CORO2B: variants seen among roughly 807,000 people sequenced by gnomAD.
The protein encoded by CORO2B is coronin 2B.
A neutral mutation model predicts 58.8 loss-of-function variants in CORO2B; 26 were observed. That is an observed-to-expected ratio of 0.44 (90% confidence interval 0.32 to 0.61). The LOEUF (loss-of-function observed/expected upper bound fraction) is 0.61. Among genes scored for constraint, CORO2B ranks in the 20% least tolerant of loss-of-function variants. The pLI is 0.04. For synonymous variants in CORO2B, 242 were observed against 253.8 expected (o/e 0.95, Z 0.44); for missense variants, 460 against 645.1 (o/e 0.71, Z 3.11).
At chr15:68,563,631 AC>A in the CORO2B span, among the ~76,000 whole-genome samples, 8 of 152,162 alleles carry the variant, frequency 5.3e-5, no homozygotes, top group Non-Finnish European at 1.0e-4. Flanking sequence ...CAAAAGTGAC[AC>A]ACCTTTAGCT....
chr15:68,611,626 CA>C (rs775527964), intron 1 of CORO2B, among the ~76,000 whole-genome samples: 44 of 152,216 alleles, frequency 2.9e-4, no homozygotes, highest in South Asian at 1.0e-3. Context: ...GTCAGTTCTA[CA>C]ATTGATTGAA....
rs144772411 is a variant in CORO2B, at chr15:68,597,670, C to T, written c.15+18393C>T. Among the ~76,000 whole-genome samples the T allele has an allele frequency of 4.6e-3, 694 of 151,854 alleles. 16 individuals are homozygous for T. In the East Asian group the frequency reaches 0.052, roughly 11 times the overall value. On this transcript the variant is annotated intron_variant, in intron 1 of 11. Coordinates refer to ENST00000261861, the MANE Select transcript of CORO2B (RefSeq NM_006091.5). ...TAAATAAAAAATAAAAAAGACCAAA[C>T]GAACAAAATCCTCCATTGCTATGGA...
chr15:68,653,887 A>G (rs534769840), intron 2 of CORO2B, among the ~76,000 whole-genome samples: 2 of 150,344 alleles, frequency 1.3e-5, no homozygotes, highest in Non-Finnish European at 2.9e-5. Context: ...CTGAATCTTC[A>G]TCACTGCTCT....
intron 6 of CORO2B, 103 bp from the exon 7 acceptor site, chr15:68,714,456 T>C: frequency 2.4e-6 from 2 of 839,802 alleles, no homozygotes; most frequent in Non-Finnish European, 4.0e-6. Context: ...CTAGGGGAGG[T>C]CTTAACATAA....
intron 2 of CORO2B, among the ~76,000 whole-genome samples, chr15:68,670,358 G>C (rs1205768938): frequency 6.6e-6 from 1 of 151,720 alleles, no homozygotes; most frequent in Non-Finnish European, 1.5e-5. Flanking sequence ...AATTTTTTTT[G>C]GTAGAGACAG....
rs562955480 is a variant in CORO2B at position 68,708,469 on chromosome 15, T to G, written c.334-2263T>G. Among the ~76,000 whole-genome samples the G allele has an allele frequency of 5.6e-4, 83 of 148,396 alleles. 1 individual carries two copies. The highest frequency in any genetic ancestry group is 2.0e-3 in the African/African-American group (81 of 40,594). ...TCCGCCTCCCAGGCTCACACCATTC[T>G]CCTGCCTCAGCAGCCCAAGTGGCTG... is the stretch of plus-strand genomic sequence containing the variant. On this transcript the variant is annotated intron_variant, in intron 3 of 11. Coordinates refer to ENST00000261861, the MANE Select transcript of CORO2B (RefSeq NM_006091.5).
At chr15:68,712,827 C>T (rs11855718) in intron 5 of CORO2B, among the ~76,000 whole-genome samples, 4,385 of 152,116 alleles carry the variant, frequency 0.029, 231 homozygotes, top group African/African-American at 0.1. Flanking sequence ...CTCACAGTTC[C>T]AGGAGGAGCT....
At chr15:68,674,122 G>T (rs1421711925) in intron 2 of CORO2B, among the ~76,000 whole-genome samples, 1 of 152,184 alleles carries the variant, frequency 6.6e-6, no homozygotes, top group South Asian at 2.1e-4. Flanking sequence ...GGTCGGCTCA[G>T]TTCCCTCCCA....
At chr15:68,543,808 C>T in the CORO2B span, among the ~76,000 whole-genome samples, 3 of 152,310 alleles carry the variant, frequency 2.0e-5, no homozygotes, top group African/African-American at 7.2e-5. Context: ...CTAGTCCCTC[C>T]CTCCACCCTC....
upstream of CORO2B, among the ~76,000 whole-genome samples, chr15:68,574,088 G>A (rs1336219564): frequency 6.6e-6 from 1 of 152,188 alleles, no homozygotes; most frequent in African/African-American, 2.4e-5. Flanking sequence ...GGTTCAAGCA[G>A]CCAGATCTGT....
chr15:68,585,449 T>C (rs1178292294), intron 1 of CORO2B, among the ~76,000 whole-genome samples: 2 of 152,228 alleles, frequency 1.3e-5, no homozygotes, highest in Non-Finnish European at 2.9e-5. Context: ...GGGTAGATTC[T>C]ATTATCCATC....
At chr15:68,596,686 G>A (rs900172555) in intron 1 of CORO2B, among the ~76,000 whole-genome samples, 7 of 152,168 alleles carry the variant, frequency 4.6e-5, no homozygotes, top group African/African-American at 1.7e-4. Context: ...ATGGAGCCAG[G>A]GCAGAGGCAG....
the CORO2B span, among the ~76,000 whole-genome samples, chr15:68,568,516 C>A: frequency 6.6e-5 from 10 of 152,182 alleles, no homozygotes; most frequent in African/African-American, 1.9e-4. Flanking sequence ...GACACTGGGA[C>A]CCCAAAAGTC....
At chr15:68,518,757 G>C in the CORO2B span, among the ~76,000 whole-genome samples, 1 of 152,070 alleles carries the variant, frequency 6.6e-6, no homozygotes, top group African/African-American at 2.4e-5. Context: ...CTTTCTGATG[G>C]AGAGGGGGTG....
At chr15:68,543,141 G>A in the CORO2B span, among the ~76,000 whole-genome samples, 2 of 152,272 alleles carry the variant, frequency 1.3e-5, no homozygotes, top group East Asian at 1.9e-4. Context: ...GCTTTGCATG[G>A]CCAGATATCT....
chr15:68,715,238 C>A lies in CORO2B; in HGVS notation c.894C>A (p.Tyr298Ter). 2 of 1,614,036 alleles carry A rather than the reference C, an allele frequency of 1.2e-6. No individual in the cohort carries two copies. Among genetic ancestry groups the A allele is most frequent in the Non-Finnish European group, 1.7e-6 (2 of 1,179,950 alleles). ...AGGGTGATGGAAACATCCGGTACTA[C>A]GAGATCAGCACTGAGAAGCCCTACC... ...AGKGDGNIRYYEISTEKPYLS... is the reference protein window; with the variant it reads ...AGKGDGNIRY The change falls in exon 8 of 12, where the codon TAC becomes TAA. Residue 298 changes from tyrosine (Y) to a stop codon, truncating the protein, a stop_gained. Transcript: ENST00000261861. LOFTEE classifies it high-confidence loss of function.
In CORO2B at chr15:68,583,286, G is replaced by C. The variant is rs562916864; in HGVS notation, c.15+4009G>C. Among the ~76,000 whole-genome samples, 4 of 152,288 alleles carry C rather than the reference G, an allele frequency of 2.6e-5. No homozygotes were observed. In the South Asian group the frequency reaches 8.3e-4, roughly 32 times the overall value. The stretch of plus-strand genomic sequence containing the variant: ...CCATAGGAGAATAAAATTTTGGAGC[G>C]GGCAAATCACCCAACCCTTTCCCTT... On this transcript the variant is annotated intron_variant, in intron 1 of 11. Coordinates refer to ENST00000261861, the MANE Select transcript of CORO2B (RefSeq NM_006091.5).
chr15:68,696,612 C>T (rs556598727), intron 3 of CORO2B, among the ~76,000 whole-genome samples: 1 of 150,438 alleles, frequency 6.6e-6, no homozygotes, highest in East Asian at 2.0e-4. Flanking sequence ...TGTGTTCTGG[C>T]CACTCCTTCC....
Position 68,675,455 on chromosome 15 carries a change from C to T in CORO2B, c.217-19685C>T, listed in dbSNP as rs563152935. On this transcript the variant is annotated intron_variant, in intron 2 of 11. Coordinates refer to ENST00000261861, the MANE Select transcript of CORO2B (RefSeq NM_006091.5). Reference sequence around the variant, plus strand: ...CATCTTCTAGGCAGAGGAGGGGTATCCTGTGTCTGGAAAGAAATGGGGACT... The same window carrying T: ...CATCTTCTAGGCAGAGGAGGGGTATTCTGTGTCTGGAAAGAAATGGGGACT... Among the ~76,000 whole-genome samples, 12 of 152,206 alleles carry T rather than the reference C, an allele frequency of 7.9e-5. 1 individual carries two copies. In the South Asian group the frequency reaches 2.5e-3, roughly 32 times the overall value.
Sources: gnomAD v4.1 joint callset for allele counts (sites outside exome capture counted in the v4.1 genomes callset) on GRCh38, gnomAD v4.1.1 for gene constraint, MANE v1.5 for transcripts, NCBI Gene and HGNC (gene_info 2026-07-23, HGNC 2026-07-21) for gene names.